The following MEGF10 variants were observed in gnomAD, a reference collection of about 807,000 sequenced individuals.
MEGF10 encodes the protein multiple epidermal growth factor-like domains protein 10.
Under a neutral mutation model 147.5 loss-of-function variants are expected in MEGF10, and 86 were observed. That is an observed-to-expected ratio of 0.58 (90% CI 0.49 to 0.70). The LOEUF is 0.70. Among genes scored for constraint, MEGF10 ranks in the 30% least tolerant of loss-of-function variants. MEGF10 has a pLI of 0.00. For missense variants in MEGF10, 1,329 were observed against 1,487.3 expected (o/e 0.89, Z 1.75); for synonymous variants, 478 against 525.5 (o/e 0.91, Z 1.24).
chr5:127,396,632 G>T lies in MEGF10; in HGVS notation c.513G>T (p.Ala171=). Residue 171 remains alanine (A), a synonymous_variant, in exon 6 of 25, where the codon GCG becomes GCT. Transcript: ENST00000503335. ...TCACCGGGGCTTGCCACTGTGCTGC[G>T]GGCTTCCGGGGCTGGCGCTGCGAGG... ...NPITGACHCA[A]GFRGWRCEDR... 6.2e-7 allele frequency: 1 copy of T among 1,613,978 alleles called. No individual in the cohort carries two copies. Among genetic ancestry groups the T allele is most frequent in the South Asian group, 1.1e-5 (1 of 91,072 alleles).
chr5:127,432,083 A>G (rs1378846953), intron 13 of MEGF10, among the ~76,000 whole-genome samples: 1 of 152,228 alleles, frequency 6.6e-6, no homozygotes, highest in African/African-American at 2.4e-5. Flanking sequence ...TCCTTTCTTC[A>G]GCCCATGGTC....
chr5:127,232,749 A>G, the MEGF10 span, among the ~76,000 whole-genome samples: 1 of 152,142 alleles, frequency 6.6e-6, no homozygotes, highest in Non-Finnish European at 1.5e-5. Flanking sequence ...AAAGATGGGC[A>G]CTTATTATTA....
intron 18 of MEGF10, among the ~76,000 whole-genome samples, chr5:127,441,682 A>G (rs571461944): frequency 1.5e-4 from 23 of 152,358 alleles, no homozygotes; most frequent in Non-Finnish European, 2.8e-4. Context: ...GAAAAGGTGA[A>G]GAACAATTCC....
chr5:127,269,455 T>C, the MEGF10 span, among the ~76,000 whole-genome samples: 1 of 152,196 alleles, frequency 6.6e-6, no homozygotes, highest in Non-Finnish European at 1.5e-5. Flanking sequence ...CAAGCTTCAG[T>C]AGCCGATTTC....
chr5:127,247,393 AAG>A, the MEGF10 span, among the ~76,000 whole-genome samples: 1 of 36,266 alleles, frequency 2.8e-5, no homozygotes, highest in East Asian at 5.9e-4. Context: ...GAAGAAGAAG[AAG>A]AAGAAGAAGA....
rs1044022685 is a variant in MEGF10, at chr5:127,369,365, G to A, written c.320-545G>A. ...TTACTGTTTCCCAAAGACCTGGGTGGCATTTTTCAAATATTCTCCTCAACA... is the reference window on the plus strand; with the variant it reads ...TTACTGTTTCCCAAAGACCTGGGTGACATTTTTCAAATATTCTCCTCAACA... On this transcript the variant is annotated intron_variant, in intron 4 of 24. Coordinates refer to ENST00000503335, the MANE Select transcript of MEGF10 (RefSeq NM_001256545.2). Among the ~76,000 whole-genome samples the A allele has an allele frequency of 2.0e-4, 30 of 152,178 alleles. No homozygotes were observed. The South Asian group carries it at 5.4e-3, about 27-fold the overall frequency.
chr5:127,342,326 C>T (rs1405863619), intron 4 of MEGF10, among the ~76,000 whole-genome samples: 1 of 152,146 alleles, frequency 6.6e-6, no homozygotes, highest in African/African-American at 2.4e-5. Flanking sequence ...TTCAACCTTA[C>T]AAGCACAACC....
At chr5:127,437,664 T>C (rs903147614) in intron 16 of MEGF10, among the ~76,000 whole-genome samples, 1 of 152,264 alleles carries the variant, frequency 6.6e-6, no homozygotes, top group African/African-American at 2.4e-5. Flanking sequence ...CTGATGTCTC[T>C]TCAATCGGCA....
At position 127,416,274 on chromosome 5, in the gene MEGF10, C is replaced by T. The variant is rs189135554; in HGVS notation, c.1131-1364C>T. ...AGATCTCCTGACCTCGTGATCCGCC[C>T]GCCTCAGCCTCCCAAAGTGCTGGGA... On this transcript the variant is annotated intron_variant, in intron 9 of 24. Transcript: ENST00000503335. 2.3e-3 allele frequency among the ~76,000 whole-genome samples: 354 copies of T among 151,922 alleles called. 3 individuals are homozygous for T. Among genetic ancestry groups the T allele is most frequent in the Middle Eastern group, 0.01 (3 of 290 alleles).
intron 18 of MEGF10, among the ~76,000 whole-genome samples, chr5:127,441,327 C>G (rs1474683834): frequency 2.0e-5 from 3 of 152,180 alleles, no homozygotes. Context: ...CATTGCCACC[C>G]TTTCAACAAC....
the MEGF10 span, among the ~76,000 whole-genome samples, chr5:127,279,213 A>G: frequency 6.6e-6 from 1 of 152,212 alleles, no homozygotes; most frequent in Non-Finnish European, 1.5e-5. Context: ...GGATCAATGG[A>G]TTTGGATACT....
At chr5:127,412,213 A>G (rs896507502) in intron 9 of MEGF10, among the ~76,000 whole-genome samples, 1 of 152,246 alleles carries the variant, frequency 6.6e-6, no homozygotes, top group Non-Finnish European at 1.5e-5. Flanking sequence ...AAATAATCCG[A>G]ATATTTTAAA....
intron 4 of MEGF10, among the ~76,000 whole-genome samples, chr5:127,346,971 T>C (rs1305605517): frequency 6.6e-6 from 1 of 152,120 alleles, no homozygotes; most frequent in Non-Finnish European, 1.5e-5. Flanking sequence ...AAGGTATTTT[T>C]ATACAACATT....
rs376947557 is a variant in MEGF10, at chr5:127,307,988, C to T, written c.-19+16932C>T. ...GAAAACAGAAGTCTCGCTGTCCCCT[C>T]ATGGAGCAGTTGCTCACAGTCCGTT... is the stretch of plus-strand genomic sequence containing the variant. On this transcript the variant is annotated intron_variant, in intron 1 of 24. Transcript: ENST00000503335. Among the ~76,000 whole-genome samples the T allele has an allele frequency of 6.6e-5, 10 of 152,288 alleles. 1 individual carries two copies. Among genetic ancestry groups the T allele is most frequent in the Admixed American group, 4.6e-4 (7 of 15,300 alleles).
chr5:127,229,464 T>A, the MEGF10 span: 1 of 151,718 alleles, frequency 6.6e-6, no homozygotes, highest in Non-Finnish European at 1.5e-5. Context: ...GGTCGAGGCC[T>A]CCCGGGCAGG....
At chr5:127,309,954 T>TTCC (rs1561561875) in intron 1 of MEGF10, among the ~76,000 whole-genome samples, 716 of 40,546 alleles carry the variant, frequency 0.018, 23 homozygotes, top group African/African-American at 0.059. Context: ...CAACTCTTTC[T>TTCC]TTCTTTCTTT....
chr5:127,390,773 G>T (rs1763619267), intron 5 of MEGF10, among the ~76,000 whole-genome samples: 1 of 152,056 alleles, frequency 6.6e-6, no homozygotes, highest in South Asian at 2.1e-4. Flanking sequence ...TATAATCAGT[G>T]CTAGGATAAA....
At chr5:127,386,588 T>C (rs537560824) in intron 5 of MEGF10, among the ~76,000 whole-genome samples, 64 of 152,354 alleles carry the variant, frequency 4.2e-4, no homozygotes, top group Non-Finnish European at 7.9e-4. Flanking sequence ...CTTGCAGGCC[T>C]GAACTCACTC....
chr5:127,378,557 A>G (rs1763122945), intron 5 of MEGF10, among the ~76,000 whole-genome samples: 1 of 152,284 alleles, frequency 6.6e-6, no homozygotes, highest in East Asian at 1.9e-4. Flanking sequence ...GGATCATGCC[A>G]TCTTCCCACC....
Sources: allele counts gnomAD v4.1 joint callset (sites outside exome capture counted in the v4.1 genomes callset), GRCh38; gene constraint gnomAD v4.1.1; transcripts MANE v1.5; gene names NCBI Gene and HGNC (gene_info 2026-07-23, HGNC 2026-07-21).